Variants in MCHR2 observed in about 807,000 individuals in gnomAD.
MCHR2 encodes melanin concentrating hormone receptor 2, also known as melanin-concentrating hormone receptor 2.
Under a neutral mutation model 24.8 loss-of-function variants are expected in MCHR2, and 15 were observed. The ratio of observed to expected loss-of-function variants is 0.60; its 90% CI spans 0.40 to 0.93. The LOEUF (loss-of-function observed/expected upper bound fraction) is 0.93. Among genes scored for constraint, MCHR2 ranks in the 40% least tolerant of loss-of-function variants. The pLI, the probability that MCHR2 is intolerant of heterozygous loss-of-function variation, is 0.00. For synonymous variants in MCHR2, 151 were observed against 147.6 expected, an observed-to-expected ratio of 1.02 and a Z score of -0.17; for missense variants, 386 against 408.7, an observed-to-expected ratio of 0.94 and a Z score of 0.48.
At chr6:99,929,322 G>T (rs914102157) in intron 5 of MCHR2, among the ~76,000 whole-genome samples, 1 of 151,682 alleles carries the variant, frequency 6.6e-6, no homozygotes, top group African/African-American at 2.4e-5. Context: ...CTGTTGATTT[G>T]GGGTGGAGAG....
chr6:99,949,123 T>G (rs1774924684), intron 2 of MCHR2, among the ~76,000 whole-genome samples: 1 of 152,210 alleles, frequency 6.6e-6, no homozygotes. Context: ...GGTATCATCT[T>G]TATCTGGGAG....
At chr6:99,979,094 G>A (rs1775616274) in intron 1 of MCHR2, among the ~76,000 whole-genome samples, 1 of 152,282 alleles carries the variant, frequency 6.6e-6, no homozygotes, top group South Asian at 2.1e-4. Flanking sequence ...GACATAATAG[G>A]TTGGTGTATT....
chr6:99,941,417 G>A (rs1327466320), intron 4 of MCHR2, among the ~76,000 whole-genome samples: 2 of 151,920 alleles, frequency 1.3e-5, no homozygotes, highest in Non-Finnish European at 2.9e-5. Flanking sequence ...CTTCTATGCT[G>A]CCATTTTGGA....
intron 1 of MCHR2, among the ~76,000 whole-genome samples, chr6:99,980,610 G>A (rs1258106038): frequency 2.0e-5 from 3 of 151,986 alleles, no homozygotes; most frequent in Non-Finnish European, 4.4e-5. Flanking sequence ...AAAGAGAGGA[G>A]AGTGACAGAG....
At chr6:99,959,448 T>C (rs1050530973) in intron 1 of MCHR2, among the ~76,000 whole-genome samples, 3 of 151,302 alleles carry the variant, frequency 2.0e-5, no homozygotes, top group South Asian at 2.1e-4. Flanking sequence ...AATGTGTAGA[T>C]ACCAATGCAA....
chr6:99,959,514 A>G (rs1775136294), intron 1 of MCHR2, among the ~76,000 whole-genome samples: 1 of 151,174 alleles, frequency 6.6e-6, no homozygotes, highest in African/African-American at 2.4e-5. Flanking sequence ...TGAGCCAAGT[A>G]AATTTTCAGA....
rs530978209 is a variant in MCHR2 at position 99,928,513 on chromosome 6, G to T, written c.707+5885C>A. ...GCTATTGATTATTGCCACAATTTCAGATCCTGTTATTGGTCTATTCAGAGA... is the reference window on the plus strand; with the variant it reads ...GCTATTGATTATTGCCACAATTTCATATCCTGTTATTGGTCTATTCAGAGA... On this transcript the variant is annotated intron_variant, in intron 5 of 5. Transcript: ENST00000281806. 4.6e-5 allele frequency among the ~76,000 whole-genome samples: 7 copies of T among 152,232 alleles called. No individual in the cohort carries two copies. The East Asian group carries it at 1.4e-3, about 29-fold the overall frequency.
chr6:99,956,327 A>G (rs1775060882), intron 1 of MCHR2, among the ~76,000 whole-genome samples, 153 bp from the exon 2 acceptor site: 1 of 152,126 alleles, frequency 6.6e-6, no homozygotes, highest in African/African-American at 2.4e-5. Context: ...GTCCCTGTTC[A>G]TAGTAATCTC....
chr6:99,979,232 A>G (rs1049568935), intron 1 of MCHR2, among the ~76,000 whole-genome samples: 3 of 152,194 alleles, frequency 2.0e-5, no homozygotes, highest in African/African-American at 7.2e-5. Flanking sequence ...AATTGGCAGA[A>G]AGGTCCATAG....
intron 2 of MCHR2, among the ~76,000 whole-genome samples, chr6:99,954,731 A>G (rs771997893): frequency 6.6e-6 from 1 of 152,148 alleles, no homozygotes; most frequent in Non-Finnish European, 1.5e-5. Context: ...TTGGATGTCA[A>G]TATAGAGTCA....
At chr6:99,972,947 TC>T (rs1278014762) in intron 1 of MCHR2, among the ~76,000 whole-genome samples, 6 of 152,198 alleles carry the variant, frequency 3.9e-5, no homozygotes, top group Non-Finnish European at 8.8e-5. Flanking sequence ...TAATTTCTGT[TC>T]TTTTACATTT....
At chr6:99,939,091 T>C (rs529425345) in intron 4 of MCHR2, among the ~76,000 whole-genome samples, 1 of 152,156 alleles carries the variant, frequency 6.6e-6, no homozygotes, top group South Asian at 2.1e-4. Flanking sequence ...GTGAAGTGGG[T>C]TTCTTGTAGG....
Position 99,947,864 on chromosome 6 carries a change from C to T in MCHR2, c.290G>A (p.Gly97Glu), listed in dbSNP as rs747375526. 1.9e-6 allele frequency: 3 copies of T among 1,613,658 alleles called. No homozygotes were observed. Among genetic ancestry groups the T allele is most frequent in the African/African-American group, 2.7e-5 (2 of 74,890 alleles). ...PFLIHQWARGGEWVFGGPLCT... is the reference protein window; with the variant it reads ...PFLIHQWARGEEWVFGGPLCT... Reference sequence around the variant, plus strand: ...GAGAGGCCCCCCAAACACCCACTCTCCCCCTCGGGCCCATTGGTGAATAAG... The same window carrying T: ...GAGAGGCCCCCCAAACACCCACTCTTCCCCTCGGGCCCATTGGTGAATAAG... Residue 97 changes from glycine (G) to glutamate (E), a missense_variant, in exon 3 of 6, where the codon GGA becomes GAA. Physicochemically the swap from Gly to Glu is moderately conservative, Grantham distance 98 (BLOSUM62 -2). Coordinates refer to ENST00000281806, the MANE Select transcript of MCHR2 (RefSeq NM_001040179.2).
chr6:99,933,136 G>A (rs1774581185), intron 5 of MCHR2, among the ~76,000 whole-genome samples: 1 of 152,056 alleles, frequency 6.6e-6, no homozygotes, highest in African/African-American at 2.4e-5. Flanking sequence ...GGACATGGGG[G>A]TAACAGATGA....
In MCHR2 at chr6:99,942,940, A is replaced by G. The variant is rs1202109200; in HGVS notation, c.587+9T>C. ...TTCAACTCGTTTTTCTTAAGTTTTC[A>G]CAACTTACCAGAGTACATCGTCAGG... On this transcript the variant is annotated intron_variant, in intron 4 of 5. Coordinates refer to ENST00000281806, the MANE Select transcript of MCHR2 (RefSeq NM_001040179.2). The G allele has an allele frequency of 6.3e-7, 1 of 1,586,098 alleles. No homozygotes were observed. The highest frequency in any genetic ancestry group is 8.6e-7 in the Non-Finnish European group (1 of 1,165,250).
intron 5 of MCHR2, among the ~76,000 whole-genome samples, chr6:99,926,609 G>GT (rs529195928): frequency 1.3e-5 from 2 of 152,052 alleles, no homozygotes; most frequent in African/African-American, 4.8e-5. Flanking sequence ...TTTTTCATGT[G>GT]TTTTTTTGGC....
intron 1 of MCHR2, among the ~76,000 whole-genome samples, chr6:99,965,459 G>C (rs1024490134): frequency 6.6e-6 from 1 of 152,126 alleles, no homozygotes; most frequent in Admixed American, 6.6e-5. Context: ...AATTCGTATA[G>C]AGAAACATAT....
At chr6:99,979,610 A>G (rs1775625769) in intron 1 of MCHR2, among the ~76,000 whole-genome samples, 1 of 152,212 alleles carries the variant, frequency 6.6e-6, no homozygotes, top group Non-Finnish European at 1.5e-5. Context: ...GTATTATTAA[A>G]ATTAATTTCA....
intron 5 of MCHR2, among the ~76,000 whole-genome samples, chr6:99,921,997 A>G (rs1021600459): frequency 7.0e-6 from 1 of 143,148 alleles, no homozygotes; most frequent in African/African-American, 2.5e-5. Flanking sequence ...TTGTGTACAC[A>G]TATCACATTA....
Sources: gnomAD v4.1 joint callset for allele counts (sites outside exome capture counted in the v4.1 genomes callset) on GRCh38, gnomAD v4.1.1 for gene constraint, MANE v1.5 for transcripts, NCBI Gene and HGNC (gene_info 2026-07-23, HGNC 2026-07-21) for gene names.